SAMD3: variants seen among roughly 807,000 people sequenced by gnomAD.
SAMD3 encodes sterile alpha motif domain-containing protein 3.
Under a neutral mutation model 58.5 loss-of-function variants are expected in SAMD3, and 63 were observed. The observed-to-expected ratio is 1.08, with a 90% CI of 0.88 to 1.33. The LOEUF (loss-of-function observed/expected upper bound fraction) is 1.33, where lower values mean the gene tolerates loss of function less well. Among genes scored for constraint, SAMD3 ranks in the 40% most tolerant of loss-of-function variants. The pLI is 0.00. For synonymous variants in SAMD3, 220 were observed against 210.3 expected (o/e 1.05, Z -0.40); for missense variants, 604 against 608.4 (o/e 0.99, Z 0.08).
rs574349270 is a variant in SAMD3, at chr6:130,365,184, C to G, written c.-368G>C. 1.7e-4 allele frequency: 163 copies of G among 985,480 alleles called. No individual in the cohort carries two copies. The African/African-American group carries it at 2.7e-3, about 17-fold the overall frequency. 61.0% of individuals were successfully genotyped at this position (985,480 alleles called of 1,614,324 possible). On this transcript the variant is annotated 5_prime_UTR_variant, in exon 1 of 14. Transcript: ENST00000368134. ...CGAATTAGAGACGACATATTTTACT[C>G]TGTGAACAGGCCAGTCTCCACTCAC...
chr6:130,247,507 T>A (rs1290480833), intron 2 of SAMD3, among the ~76,000 whole-genome samples: 1 of 149,572 alleles, frequency 6.7e-6, no homozygotes, highest in Non-Finnish European at 1.5e-5. Context: ...TGGACTAAGA[T>A]GGGACAATCT....
intron 2 of SAMD3, among the ~76,000 whole-genome samples, chr6:130,287,224 A>G (rs1351285507): frequency 6.6e-6 from 1 of 152,160 alleles, no homozygotes; most frequent in East Asian, 1.9e-4. Flanking sequence ...ATCCTTTGAC[A>G]CGCCATACTT....
chr6:130,331,245 T>C (rs1192941483), intron 1 of SAMD3, among the ~76,000 whole-genome samples: 2 of 152,244 alleles, frequency 1.3e-5, no homozygotes, highest in African/African-American at 2.4e-5. Flanking sequence ...AACATTGCTT[T>C]GGATATTCTG....
chr6:130,356,384 A>G (rs1342349711), intron 1 of SAMD3, among the ~76,000 whole-genome samples: 1 of 152,222 alleles, frequency 6.6e-6, no homozygotes, highest in Non-Finnish European at 1.5e-5. Context: ...TTTTATGCAG[A>G]TATCTGCTCA....
At chr6:130,162,105 T>A in intron 8 of SAMD3, 2 of 547,230 alleles carry the variant, frequency 3.7e-6, no homozygotes, top group Non-Finnish European at 6.5e-6. Flanking sequence ...TAACTTGAGT[T>A]AAAGCCAAAC....
chr6:130,331,226 T>A (rs762618039), intron 1 of SAMD3, among the ~76,000 whole-genome samples: 1 of 152,236 alleles, frequency 6.6e-6, no homozygotes, highest in African/African-American at 2.4e-5. Context: ...ACTATGATCA[T>A]TGACATTCAA....
chr6:130,166,197 G>T (rs569679265), intron 8 of SAMD3, among the ~76,000 whole-genome samples: 2 of 152,266 alleles, frequency 1.3e-5, no homozygotes, highest in Non-Finnish European at 2.9e-5. Context: ...CTGGGGGCTG[G>T]TTTAAGAGGA....
At chr6:130,205,344 C>A (rs1285610361) in intron 5 of SAMD3, among the ~76,000 whole-genome samples, 2 of 151,892 alleles carry the variant, frequency 1.3e-5, no homozygotes, top group Admixed American at 1.3e-4. Flanking sequence ...CACTATGTCA[C>A]CTAGGCTGGA....
intron 5 of SAMD3, among the ~76,000 whole-genome samples, chr6:130,207,315 G>A (rs779726042): frequency 1.9e-4 from 29 of 152,104 alleles, no homozygotes; most frequent in East Asian, 3.8e-4. Context: ...GCTGTACACC[G>A]AGTGCCCTCT....
At chr6:130,291,041 G>A (rs937554640) in intron 2 of SAMD3, among the ~76,000 whole-genome samples, 1 of 152,088 alleles carries the variant, frequency 6.6e-6, no homozygotes, top group Non-Finnish European at 1.5e-5. Context: ...TCATTCTGAT[G>A]TGTGGTTCAC....
intron 1 of SAMD3, among the ~76,000 whole-genome samples, chr6:130,362,093 C>G (rs897138675): frequency 2.6e-5 from 4 of 152,180 alleles, no homozygotes; most frequent in East Asian, 1.9e-4. Context: ...AAAAAGGCAG[C>G]ATTTGGGCTG....
chr6:130,205,064 G>C (rs914230727), intron 5 of SAMD3, among the ~76,000 whole-genome samples: 1 of 151,234 alleles, frequency 6.6e-6, no homozygotes, highest in African/African-American at 2.4e-5. Flanking sequence ...CTTGAAAAAG[G>C]CTGGCTTCAA....
intron 2 of SAMD3, among the ~76,000 whole-genome samples, chr6:130,300,000 A>G (rs975723870): frequency 1.3e-5 from 2 of 152,198 alleles, no homozygotes; most frequent in Non-Finnish European, 2.9e-5. Context: ...CCTGGACCAG[A>G]TGCATTTAGA....
chr6:130,264,855 GAA>G (rs549713748), intron 2 of SAMD3, among the ~76,000 whole-genome samples: 1 of 145,190 alleles, frequency 6.9e-6, no homozygotes, highest in Admixed American at 6.9e-5. Context: ...CTATGTGTCA[GAA>G]AAAAAAAAAA....
intron 2 of SAMD3, among the ~76,000 whole-genome samples, chr6:130,302,968 C>A (rs1775803446): frequency 6.6e-6 from 1 of 152,232 alleles, no homozygotes; most frequent in East Asian, 1.9e-4. Flanking sequence ...GTACTATGTT[C>A]GCTGTTTGGG....
At chr6:130,261,545 A>T (rs1453688234) in intron 2 of SAMD3, among the ~76,000 whole-genome samples, 1 of 152,184 alleles carries the variant, frequency 6.6e-6, no homozygotes, top group Non-Finnish European at 1.5e-5. Context: ...GTAAACTGCA[A>T]AAGTGTGTGT....
chr6:130,228,126 C>T (rs889104544), intron 2 of SAMD3, among the ~76,000 whole-genome samples: 11 of 152,164 alleles, frequency 7.2e-5, no homozygotes, highest in Middle Eastern at 3.2e-3. Context: ...TCCTTGTATT[C>T]CCTGTGCTGA....
chr6:130,357,421 G>A (rs1008989856), intron 1 of SAMD3, among the ~76,000 whole-genome samples: 3 of 152,076 alleles, frequency 2.0e-5, no homozygotes, highest in Non-Finnish European at 4.4e-5. Context: ...ACCACACCCG[G>A]CCGGCATCTT....
Position 130,203,950 on chromosome 6 carries a change from C to T in SAMD3, c.383+5545G>A, listed in dbSNP as rs113416111. Reference sequence around the variant, plus strand: ...CCTGTGTGAAAGAGCCTGCAAACAACGCATCAAATATGTTGAAAATCCATT... The same window carrying T: ...CCTGTGTGAAAGAGCCTGCAAACAATGCATCAAATATGTTGAAAATCCATT... On this transcript the variant is annotated intron_variant, in intron 5 of 11. Transcript: ENST00000439090. Among the ~76,000 whole-genome samples, 14 of 152,190 alleles carry T rather than the reference C, an allele frequency of 9.2e-5. No individual in the cohort carries two copies. The East Asian group carries it at 9.6e-4, about 10-fold the overall frequency.
Sources: gnomAD v4.1 joint callset for allele counts (sites outside exome capture counted in the v4.1 genomes callset) on GRCh38, gnomAD v4.1.1 for gene constraint, MANE v1.5 for transcripts, NCBI Gene and HGNC (gene_info 2026-07-23, HGNC 2026-07-21) for gene names.